DMD: variants seen among roughly 807,000 people sequenced by gnomAD.
The protein encoded by DMD is dystrophin, also known as mutant dystrophin.
A neutral mutation model predicts 330.1 loss-of-function variants in DMD; 63 were observed. That is an observed-to-expected ratio of 0.19 (90% CI 0.16 to 0.24). The LOEUF (loss-of-function observed/expected upper bound fraction) is 0.24, where lower values mean the gene tolerates loss of function less well. Ranked by LOEUF, DMD falls within the 10% of genes least tolerant of loss-of-function variation. The probability of loss-of-function intolerance (pLI) is 1.00; values close to 1 mark genes in which losing one functional copy is unlikely to be tolerated. For missense variants in DMD, 3,344 were observed against 2,684.1 expected, an observed-to-expected ratio of 1.25 and a Z score of -5.43; for synonymous variants, 1,223 against 959.8, an observed-to-expected ratio of 1.27 and a Z score of -5.07.
intron 1 of DMD, among the ~76,000 whole-genome samples, chrX:33,218,166 GT>G (rs1246321572): frequency 9.0e-6 from 1 of 111,079 alleles, no homozygotes; most frequent in Non-Finnish European, 1.9e-5. Flanking sequence ...TTTGTCAAAC[GT>G]TTTTTCCCCT....
chrX:31,285,648 C>T (rs1346648031), intron 62 of DMD, among the ~76,000 whole-genome samples: 2 of 111,141 alleles, frequency 1.8e-5, no homozygotes, highest in African/African-American at 6.5e-5. Flanking sequence ...AGAACTTTAT[C>T]CTTAGGTTTT....
intron 1 of DMD, chrX:33,128,458 G>T: frequency 2.2e-6 from 2 of 929,397 alleles, no homozygotes; most frequent in African/African-American, 2.0e-5. Flanking sequence ...CACAGCAATG[G>T]TTTCTTCCCT....
intron 1 of DMD, among the ~76,000 whole-genome samples, chrX:33,276,679 T>C (rs1311915133): frequency 8.9e-6 from 1 of 112,235 alleles, no homozygotes; most frequent in South Asian, 3.7e-4. Context: ...AAATATGTAA[T>C]CTACGAATCA....
At chrX:32,182,732 C>A (rs1047352271) in intron 44 of DMD, among the ~76,000 whole-genome samples, 6 of 111,627 alleles carry the variant, frequency 5.4e-5, no homozygotes, top group Admixed American at 9.6e-5. Context: ...AAAAAACAGG[C>A]ATTTTATTCA....
At chrX:32,767,274 A>G (rs751239516) in intron 7 of DMD, among the ~76,000 whole-genome samples, 11 of 111,544 alleles carry the variant, frequency 9.9e-5, no homozygotes, top group Non-Finnish European at 1.7e-4. Flanking sequence ...GAAAAATCAT[A>G]AAATATCCAA....
chrX:32,669,629 G>A (rs2061514339), intron 9 of DMD, among the ~76,000 whole-genome samples: 1 of 111,699 alleles, frequency 9.0e-6, no homozygotes, highest in African/African-American at 3.3e-5. Context: ...TAACTGATCT[G>A]TTGATAATAA....
chrX:33,095,968 T>C, intron 1 of DMD, among the ~76,000 whole-genome samples: 1 of 73,882 alleles, frequency 1.4e-5, no homozygotes, highest in East Asian at 4.4e-4. Context: ...TCCAGAATTT[T>C]TTTTTTTTTT....
intron 49 of DMD, among the ~76,000 whole-genome samples, chrX:31,831,194 G>A (rs2093021998): frequency 9.0e-6 from 1 of 111,621 alleles, no homozygotes; most frequent in Non-Finnish European, 1.9e-5. Context: ...TTGGCCAGAG[G>A]GCTTTCAGAG....
intron 43 of DMD, among the ~76,000 whole-genome samples, chrX:32,265,594 C>G (rs2097341177): frequency 8.9e-6 from 1 of 112,273 alleles, no homozygotes; most frequent in Admixed American, 9.4e-5. Context: ...CCTGTGAAAG[C>G]AGCCAGGAAG....
At position 31,862,851 on chromosome X, in the gene DMD, T is replaced by C. The variant is rs925937883; in HGVS notation, c.7098+12337A>G. ...GCCTGAGCAGCATGCACCGGCGAAA[T>C]AGCAGAAGCAGGAAGAGAGCCGGCC... On this transcript the variant is annotated intron_variant, in intron 48 of 78. Coordinates refer to ENST00000357033, the MANE Select transcript of DMD (RefSeq NM_004006.3). Among the ~76,000 whole-genome samples, 4 of 112,361 alleles carry C rather than the reference T, an allele frequency of 3.6e-5. No individual in the cohort carries two copies. In the East Asian group the frequency reaches 1.1e-3, roughly 32 times the overall value.
intron 1 of DMD, among the ~76,000 whole-genome samples, chrX:33,097,797 G>A (rs189776230): frequency 8.3e-4 from 90 of 108,322 alleles, no homozygotes; most frequent in African/African-American, 3.0e-3. Context: ...TGTATTTTTA[G>A]TAGAGACGGG....
intron 44 of DMD, among the ~76,000 whole-genome samples, chrX:32,046,974 A>G (rs1382677896): frequency 2.7e-5 from 3 of 111,726 alleles, no homozygotes; most frequent in Non-Finnish European, 5.7e-5. Context: ...CAAAAGAGTC[A>G]TAAGACATAG....
At chrX:32,581,393 A>G (rs1301144198) in intron 13 of DMD, among the ~76,000 whole-genome samples, 1 of 112,262 alleles carries the variant, frequency 8.9e-6, no homozygotes, top group Non-Finnish European at 1.9e-5. Flanking sequence ...GGATCATCAG[A>G]TCATTTGCTT....
At chrX:32,196,986 C>CAAAAAAAAAAAAA (rs71872245) in intron 44 of DMD, among the ~76,000 whole-genome samples, 1 of 49,621 alleles carries the variant, frequency 2.0e-5, no homozygotes, top group African/African-American at 9.7e-5. Flanking sequence ...GACTCCATCT[C>CAAAAAAAAAAAAA]AAAAAAAAAA....
Position 32,362,907 on chromosome X carries a change from C to G in DMD, c.5206G>C (p.Asp1736His). Reference sequence around the variant, plus strand: ...TTTGCCATCAAGTTTGCTGCTTGGTCACGTGTAGAGTCCACCTTTGGGCGT... The same window carrying G: ...TTTGCCATCAAGTTTGCTGCTTGGTGACGTGTAGAGTCCACCTTTGGGCGT... ...DIRPKVDSTR[D>H]QAANLMANRG... The change falls in exon 37 of 79, where the codon GAC becomes CAC. Residue 1736 changes from aspartate to histidine, a missense_variant. Physicochemically the swap from Asp to His is moderately conservative, Grantham distance 81. Coordinates refer to ENST00000357033, the MANE Select transcript of DMD (RefSeq NM_004006.3). 3 of 1,211,200 alleles carry G rather than the reference C, an allele frequency of 2.5e-6. No homozygotes were observed. Among genetic ancestry groups the G allele is most frequent in the Non-Finnish European group, 3.4e-6 (3 of 895,327 alleles).
chrX:32,486,846 C>A lies in DMD; in HGVS notation c.2623-1747G>T, dbSNP rs1283518829. On this transcript the variant is annotated intron_variant, in intron 20 of 78. Transcript: ENST00000357033. ...CCTTCCTTACAACTTATACAAAAAT[C>A]AATTCAAGATGGATTAAAGATTTAA... 2.8e-5 allele frequency among the ~76,000 whole-genome samples: 3 copies of A among 105,802 alleles called. No homozygotes were observed. The Admixed American group carries it at 3.1e-4, about 11-fold the overall frequency. The allele number at this position is 105,802 out of a possible 115,157, so 91.9% of individuals were successfully genotyped here. A position where few individuals can be genotyped will look rare whatever the true frequency, so the allele number is the denominator to read the frequency against.
intron 1 of DMD, among the ~76,000 whole-genome samples, chrX:33,287,751 C>T (rs1269347211): frequency 9.0e-6 from 1 of 111,562 alleles, no homozygotes; most frequent in Non-Finnish European, 1.9e-5. Context: ...TAAACTGGGA[C>T]ACAATCACAC....
At position 32,057,870 on chromosome X, in the gene DMD, C is replaced by T. The variant is rs1488711989; in HGVS notation, c.6439-89356G>A. On this transcript the variant is annotated intron_variant, in intron 44 of 78. Coordinates refer to ENST00000357033, the MANE Select transcript of DMD (RefSeq NM_004006.3). Reference sequence around the variant, plus strand: ...CAAAGCTACCTCAGTCAAGAGCGCACGATAGTGTCATAAAGGCAGACATAT... The same window carrying T: ...CAAAGCTACCTCAGTCAAGAGCGCATGATAGTGTCATAAAGGCAGACATAT... 3.6e-5 allele frequency among the ~76,000 whole-genome samples: 4 copies of T among 110,824 alleles called. No individual in the cohort carries two copies. The Admixed American group carries it at 3.9e-4, about 11-fold the overall frequency.
chrX:31,341,891 G>GCGCGCGCGCACGCACACACACACACA lies in DMD; in HGVS notation c.9163+6664_9163+6665insTGTGTGTGTGTGTGCGTGCGCGCGCG, dbSNP rs374298104. Among the ~76,000 whole-genome samples, 3 of 98,876 alleles carry GCGCGCGCGCACGCACACACACACACA rather than the reference G, an allele frequency of 3.0e-5. No individual in the cohort carries two copies. The South Asian group carries it at 1.5e-3, about 50-fold the overall frequency. The allele number at this position is 98,876 out of a possible 115,157, so 85.9% of individuals were successfully genotyped here. On this transcript the variant is annotated intron_variant, in intron 61 of 78. Coordinates refer to ENST00000357033, the MANE Select transcript of DMD (RefSeq NM_004006.3). The stretch of plus-strand genomic sequence containing the variant: ...GGCGTGCGCGCGTGCGTGCGCGCGC[G>GCGCGCGCGCACGCACACACACACACA]CACACACACACACACACACACACAC...
Sources: gnomAD v4.1 joint callset for allele counts (sites outside exome capture counted in the v4.1 genomes callset) on GRCh38, gnomAD v4.1.1 for gene constraint, MANE v1.5 for transcripts, NCBI Gene and HGNC (gene_info 2026-07-23, HGNC 2026-07-21) for gene names.